PDE4D: variants seen among roughly 807,000 people sequenced by gnomAD.
The protein encoded by PDE4D is phosphodiesterase 4D.
PDE4D carries 24 observed loss-of-function variants against 87.4 expected under a neutral mutation model. That is an observed-to-expected ratio of 0.27 (90% CI 0.20 to 0.39). The LOEUF is 0.39. Ranked by LOEUF, PDE4D falls within the 10% of genes least tolerant of loss-of-function variation. PDE4D has a pLI of 1.00. For missense variants in PDE4D, 714 were observed against 1,041.0 expected, an observed-to-expected ratio of 0.69 and a Z score of 4.32; for synonymous variants, 384 against 383.2, an observed-to-expected ratio of 1.00 and a Z score of -0.02.
intron 1 of PDE4D, among the ~76,000 whole-genome samples, chr5:59,368,821 T>A (rs1406487388): frequency 6.6e-6 from 1 of 152,184 alleles, no homozygotes; most frequent in Non-Finnish European, 1.5e-5. Context: ...ATTGAGGAGC[T>A]CATTCATTGC....
rs1482678085 is a variant in PDE4D, at chr5:59,396,250, C to T, written c.456-180282G>A. On this transcript the variant is annotated intron_variant, in intron 1 of 14. Transcript: ENST00000340635. ...CACAGAACGCCACAAAGATACTCCTCGAGAAGAGCAACTCCAAGACACATA... is the reference window on the plus strand; with the variant it reads ...CACAGAACGCCACAAAGATACTCCTTGAGAAGAGCAACTCCAAGACACATA... Among the ~76,000 whole-genome samples the T allele has an allele frequency of 1.3e-4, 14 of 110,430 alleles. 2 individuals carry two copies. Among genetic ancestry groups the T allele is most frequent in the Admixed American group, 7.9e-4 (9 of 11,368 alleles). 72.4% of individuals were successfully genotyped at this position (110,430 alleles called of 152,430 possible). A position where few individuals can be genotyped will look rare whatever the true frequency, so the allele number is the denominator to read the frequency against.
intron 1 of PDE4D, among the ~76,000 whole-genome samples, chr5:59,344,676 G>C (rs1024192024): frequency 2.6e-5 from 4 of 152,162 alleles, no homozygotes; most frequent in African/African-American, 9.7e-5. Context: ...TAGGATTATA[G>C]GGTAAACCAC....
rs562378571 is a variant in PDE4D at position 60,450,730 on chromosome 5, C to T, written c.-90+37212G>A. 9.2e-5 allele frequency among the ~76,000 whole-genome samples: 14 copies of T among 152,138 alleles called. No homozygotes were observed. The South Asian group carries it at 2.9e-3, about 32-fold the overall frequency. ...TAAATACAAGTTTCATTGACCTGGCCAAATTGAACTGGATAAAGATAATTG... is the reference window on the plus strand; with the variant it reads ...TAAATACAAGTTTCATTGACCTGGCTAAATTGAACTGGATAAAGATAATTG... On this transcript the variant is annotated intron_variant, in intron 1 of 16. Transcript: ENST00000502484.
At chr5:59,842,549 C>T (rs1033176579) in intron 1 of PDE4D, among the ~76,000 whole-genome samples, 3 of 151,776 alleles carry the variant, frequency 2.0e-5, no homozygotes, top group African/African-American at 7.3e-5. Flanking sequence ...TATGAATTTC[C>T]TAGAAATTTT....
intron 1 of PDE4D, among the ~76,000 whole-genome samples, chr5:59,799,237 G>C (rs1220838750): frequency 6.6e-6 from 1 of 152,170 alleles, no homozygotes; most frequent in African/African-American, 2.4e-5. Flanking sequence ...GACAACTTTG[G>C]GGTCTGTTTT....
chr5:59,387,348 C>A (rs1203469811), intron 1 of PDE4D, among the ~76,000 whole-genome samples: 2 of 152,058 alleles, frequency 1.3e-5, no homozygotes, highest in Non-Finnish European at 2.9e-5. Flanking sequence ...TAGCATTCCA[C>A]AAAACCTACT....
intron 5 of PDE4D, among the ~76,000 whole-genome samples, chr5:59,152,777 A>G (rs577061909): frequency 2.7e-4 from 41 of 152,110 alleles, no homozygotes; most frequent in African/African-American, 9.9e-4. Context: ...CCACAACACA[A>G]ACCACTTCCT....
intron 1 of PDE4D, among the ~76,000 whole-genome samples, chr5:59,729,870 T>C (rs905783742): frequency 1.3e-5 from 2 of 152,242 alleles, no homozygotes; most frequent in African/African-American, 2.4e-5. Context: ...CAACTTCTTA[T>C]GCCTTCTGAA....
intron 1 of PDE4D, among the ~76,000 whole-genome samples, chr5:59,708,973 C>G (rs998780333): frequency 2.9e-4 from 44 of 151,448 alleles, no homozygotes; most frequent in African/African-American, 1.0e-3. Context: ...AACACTCATG[C>G]CAACCCTTAT....
intron 1 of PDE4D, among the ~76,000 whole-genome samples, chr5:60,400,521 C>CAAAAAA (rs56750243): frequency 3.4e-4 from 21 of 62,244 alleles, no homozygotes; most frequent in African/African-American, 8.0e-4. Flanking sequence ...GACTCCATCT[C>CAAAAAA]AAAAAAAAAA....
chr5:60,332,245 A>G (rs1404819217), intron 1 of PDE4D, among the ~76,000 whole-genome samples: 2 of 152,208 alleles, frequency 1.3e-5, no homozygotes, highest in African/African-American at 4.8e-5. Context: ...GATACACTGC[A>G]TGATGCTAAG....
At chr5:59,619,216 T>C (rs1212020020) in intron 1 of PDE4D, among the ~76,000 whole-genome samples, 1 of 151,186 alleles carries the variant, frequency 6.6e-6, no homozygotes, top group Non-Finnish European at 1.5e-5. Context: ...GACTGAAATA[T>C]GGGGGAGGAG....
intron 2 of PDE4D, among the ~76,000 whole-genome samples, chr5:60,174,577 A>G (rs1278127777): frequency 6.6e-6 from 1 of 152,142 alleles, no homozygotes; most frequent in East Asian, 1.9e-4. Flanking sequence ...AAATGAGGAT[A>G]TAGGTGCATA....
intron 1 of PDE4D, among the ~76,000 whole-genome samples, chr5:60,505,369 A>G (rs571368565): frequency 6.6e-6 from 1 of 152,294 alleles, no homozygotes; most frequent in African/African-American, 2.4e-5. Context: ...TTAAACATAT[A>G]ATATTGGGAT....
At chr5:59,784,868 A>G (rs1765003450) in intron 1 of PDE4D, among the ~76,000 whole-genome samples, 1 of 152,134 alleles carries the variant, frequency 6.6e-6, no homozygotes, top group Non-Finnish European at 1.5e-5. Flanking sequence ...AAGTCTCACA[A>G]GATCTGATGG....
intron 2 of PDE4D, among the ~76,000 whole-genome samples, chr5:59,209,200 T>A (rs1749513866): frequency 6.6e-6 from 1 of 152,122 alleles, no homozygotes; most frequent in Admixed American, 6.6e-5. Flanking sequence ...TTTTTTTTTG[T>A]CTTGAGGCAG....
chr5:59,880,760 G>A (rs1561809204), intron 1 of PDE4D, among the ~76,000 whole-genome samples: 1 of 152,194 alleles, frequency 6.6e-6, no homozygotes, highest in South Asian at 2.1e-4. Flanking sequence ...CAATGCACTT[G>A]AGTCTGGGGT....
At chr5:59,087,719 TC>T (rs1288580973) in intron 5 of PDE4D, among the ~76,000 whole-genome samples, 1 of 152,104 alleles carries the variant, frequency 6.6e-6, no homozygotes, top group Non-Finnish European at 1.5e-5. Flanking sequence ...TCTCACTCCT[TC>T]CCCATCACCT....
At chr5:59,572,489 T>G (rs1294157880) in intron 1 of PDE4D, among the ~76,000 whole-genome samples, 7 of 152,178 alleles carry the variant, frequency 4.6e-5, no homozygotes, top group Admixed American at 6.6e-5. Flanking sequence ...TTGTTTTTGT[T>G]TTTGTTTTTG....
Sources: gnomAD v4.1 joint callset for allele counts (sites outside exome capture counted in the v4.1 genomes callset) on GRCh38, gnomAD v4.1.1 for gene constraint, MANE v1.5 for transcripts, NCBI Gene and HGNC (gene_info 2026-07-23, HGNC 2026-07-21) for gene names.